The following CACNB2 variants were observed in gnomAD, a reference collection of about 807,000 sequenced individuals.
The protein encoded by CACNB2 is calcium voltage-gated channel auxiliary subunit beta 2.
CACNB2 carries 42 observed loss-of-function variants against 73.3 expected under a neutral mutation model. The ratio of observed to expected loss-of-function variants is 0.57; its 90% CI spans 0.45 to 0.74. The LOEUF is 0.74. Ranked by LOEUF, CACNB2 falls within the 30% of genes least tolerant of loss-of-function variation. The probability of loss-of-function intolerance (pLI) is 0.00; values close to 1 mark genes in which losing one functional copy is unlikely to be tolerated. For synonymous variants in CACNB2, 348 were observed against 310.3 expected (o/e 1.12, Z -1.28); for missense variants, 940 against 853.0 (o/e 1.10, Z -1.27).
intron 2 of CACNB2, chr10:18,340,678 G>C: frequency 7.2e-7 from 1 of 1,394,788 alleles, no homozygotes; most frequent in Admixed American, 3.0e-5. Context: ...ACTTGCGTTT[G>C]TTAATTGACT....
At chr10:18,499,804 C>CCA (rs2050090002) in intron 4 of CACNB2, among the ~76,000 whole-genome samples, 1 of 28,340 alleles carries the variant, frequency 3.5e-5, no homozygotes, top group African/African-American at 1.8e-4. Context: ...AACCCCATCT[C>CCA]TAAAAAAAAA....
At chr10:18,152,924 G>A (rs1012934224) in intron 2 of CACNB2, among the ~76,000 whole-genome samples, 7 of 152,084 alleles carry the variant, frequency 4.6e-5, no homozygotes, top group African/African-American at 1.7e-4. Context: ...GCCACGTGAA[G>A]GCAGTCACTG....
chr10:18,436,684 G>A (rs2046153295), intron 3 of CACNB2, among the ~76,000 whole-genome samples: 2 of 152,194 alleles, frequency 1.3e-5, no homozygotes, highest in African/African-American at 4.8e-5. Context: ...CCTACAAAAT[G>A]TTACTGGGTT....
rs763107822 is a variant in CACNB2, at chr10:18,539,343, C to G, written c.1602C>G (p.Ser534=). ...PVKKSQHRSS[S]SAPHHNHRSG... ...AGAAATCCCAGCACCGCTCTTCCTC[C>G]TCAGCCCCACACCACAACCATCGCA... The change falls in exon 14 of 14, where the codon TCC becomes TCG. Residue 534 remains serine, a synonymous_variant. Coordinates refer to ENST00000324631, the MANE Select transcript of CACNB2 (RefSeq NM_201596.3). 9 of 1,613,998 alleles carry G rather than the reference C, an allele frequency of 5.6e-6. No individual in the cohort carries two copies. The highest frequency in any genetic ancestry group is 6.8e-6 in the Non-Finnish European group (8 of 1,180,030).
chr10:18,412,486 A>G (rs940449740), intron 3 of CACNB2, among the ~76,000 whole-genome samples: 2 of 151,334 alleles, frequency 1.3e-5, no homozygotes, highest in African/African-American at 4.9e-5. Flanking sequence ...TTCCCTACTT[A>G]CTCTTTAACA....
intron 2 of CACNB2, chr10:18,238,383 T>C (rs1173702992): frequency 6.6e-6 from 1 of 152,214 alleles, no homozygotes; most frequent in Non-Finnish European, 1.5e-5. Flanking sequence ...AGCCATCGTT[T>C]TGAGATTTAC....
chr10:18,533,300 A>T (rs1447084679), intron 10 of CACNB2: 1 of 152,188 alleles, frequency 6.6e-6, no homozygotes, highest in Non-Finnish European at 1.5e-5. Context: ...GTAGCCCATT[A>T]GCTGCTGCCA....
At chr10:18,483,601 G>T (rs183633875) in intron 3 of CACNB2, among the ~76,000 whole-genome samples, 1 of 151,544 alleles carries the variant, frequency 6.6e-6, no homozygotes. Context: ...AAATAAAATC[G>T]CTGAAATTTG....
At chr10:18,378,059 CATTA>C (rs1367026351) in intron 2 of CACNB2, among the ~76,000 whole-genome samples, 6 of 152,186 alleles carry the variant, frequency 3.9e-5, no homozygotes, top group African/African-American at 1.4e-4. Context: ...AAGGCATTAT[CATTA>C]GGGAAATGAT....
chr10:18,513,455 G>A lies in CACNB2; in HGVS notation c.671-781G>A, dbSNP rs1254670588. ...TGAGTAGTCGCTGTCAACTTCCAAT[G>A]GTCAGCCACTATGCTCCTCATCTTC... On this transcript the variant is annotated intron_variant, in intron 6 of 13. Coordinates refer to ENST00000324631, the MANE Select transcript of CACNB2 (RefSeq NM_201596.3). 1.3e-5 allele frequency: 3 copies of A among 235,822 alleles called. No individual in the cohort carries two copies. The South Asian group carries it at 1.7e-4, about 14-fold the overall frequency. 14.6% of individuals were successfully genotyped at this position (235,822 alleles called of 1,614,324 possible). A position where few individuals can be genotyped will look rare whatever the true frequency, so the allele number is the denominator to read the frequency against.
At chr10:18,516,184 C>T (rs183593287) in intron 7 of CACNB2, among the ~76,000 whole-genome samples, 152 of 151,906 alleles carry the variant, frequency 1.0e-3, no homozygotes, top group African/African-American at 3.2e-3. Flanking sequence ...CACTGCACTC[C>T]GGCCTGGGCA....
chr10:18,260,816 C>T (rs1473745173), intron 2 of CACNB2: 1 of 1,021,872 alleles, frequency 9.8e-7, no homozygotes, highest in Non-Finnish European at 1.2e-6. Flanking sequence ...AGGAGTAGGC[C>T]TCCTGCTTTT....
At chr10:18,424,765 A>T (rs531551781) in intron 3 of CACNB2, among the ~76,000 whole-genome samples, 1 of 152,360 alleles carries the variant, frequency 6.6e-6, no homozygotes, top group African/African-American at 2.4e-5. Context: ...TTGGCTCAAC[A>T]TTAAATGTGT....
rs59205683 is a variant in CACNB2 at position 18,358,497 on chromosome 10, G to GCTCTCTCTCT, written c.214-43381_214-43372dup. ...GGGAAATTCCTTTTCTAATGAGCACGCTCTCTCTCTCTCTCTCTCTCTCTC... is the reference window on the plus strand; with the variant it reads ...GGGAAATTCCTTTTCTAATGAGCACGCTCTCTCTCTCTCTCTCTCTCTCTCTCTCTCTCTC... On this transcript the variant is annotated intron_variant, in intron 2 of 13. Transcript: ENST00000324631. 1.1e-3 allele frequency among the ~76,000 whole-genome samples: 118 copies of GCTCTCTCTCT among 104,270 alleles called. 1 individual carries two copies. The highest frequency in any genetic ancestry group is 1.7e-3 in the African/African-American group (46 of 26,398). 68.4% of individuals were successfully genotyped at this position (104,270 alleles called of 152,430 possible). A position where few individuals can be genotyped will look rare whatever the true frequency, so the allele number is the denominator to read the frequency against.
intron 2 of CACNB2, among the ~76,000 whole-genome samples, chr10:18,247,243 G>T (rs1010433943): frequency 1.3e-5 from 2 of 152,182 alleles, no homozygotes; most frequent in Admixed American, 6.5e-5. Context: ...ATGCAGAGTT[G>T]TCATAATTAC....
At chr10:18,300,616 T>C (rs1449396004) in intron 2 of CACNB2, among the ~76,000 whole-genome samples, 3 of 152,082 alleles carry the variant, frequency 2.0e-5, no homozygotes, top group African/African-American at 4.8e-5. Context: ...AAAAATGCAA[T>C]CTGACGGGTG....
chr10:18,369,973 C>G (rs969371643), intron 2 of CACNB2, among the ~76,000 whole-genome samples: 1 of 152,210 alleles, frequency 6.6e-6, no homozygotes, highest in African/African-American at 2.4e-5. Flanking sequence ...AGTGAGCCCA[C>G]TGATAAATGA....
chr10:18,231,390 G>T (rs1395603913), intron 2 of CACNB2, among the ~76,000 whole-genome samples: 1 of 152,094 alleles, frequency 6.6e-6, no homozygotes, highest in Non-Finnish European at 1.5e-5. Flanking sequence ...TGTTGGCCAG[G>T]CTGGTCTCAA....
chr10:18,333,832 C>T (rs970058846), intron 2 of CACNB2, among the ~76,000 whole-genome samples: 1 of 151,976 alleles, frequency 6.6e-6, no homozygotes, highest in Non-Finnish European at 1.5e-5. Context: ...GAAGTCTGGA[C>T]GGACCACTTG....
Sources: gnomAD v4.1 joint callset for allele counts (sites outside exome capture counted in the v4.1 genomes callset) on GRCh38, gnomAD v4.1.1 for gene constraint, MANE v1.5 for transcripts, NCBI Gene and HGNC (gene_info 2026-07-23, HGNC 2026-07-21) for gene names.